Variants in NAV3 observed in about 807,000 individuals in gnomAD.
NAV3 encodes the protein neuron navigator 3, also known as pore membrane and/or filament interacting like protein 1.
In NAV3, 87 loss-of-function variants were observed where a neutral mutation model predicts 244.7. That is an observed-to-expected ratio of 0.36 (90% CI 0.30 to 0.42). NAV3 has a LOEUF of 0.42. Among genes scored for constraint, NAV3 ranks in the 20% least tolerant of loss-of-function variants. The pLI is 1.00. For synonymous variants in NAV3, 1,126 were observed against 1,042.2 expected (o/e 1.08, Z -1.55); for missense variants, 2,663 against 2,893.3 (o/e 0.92, Z 1.83).
rs1373040656 is a variant in NAV3 at position 78,004,292 on chromosome 12, ATAT to A, written c.881-2122_881-2120del. On this transcript the variant is annotated intron_variant, in intron 7 of 39. Coordinates refer to ENST00000397909, the MANE Select transcript of NAV3 (RefSeq NM_001024383.2). ...GAATAAAGTAAGCAGTAGATGAATAATATTATTTGGTTATGGTGGAGTTGGCAA... is the reference window on the plus strand; with the variant it reads ...GAATAAAGTAAGCAGTAGATGAATAATATTTGGTTATGGTGGAGTTGGCAA... 2.6e-5 allele frequency among the ~76,000 whole-genome samples: 4 copies of A among 152,304 alleles called. No homozygotes were observed. In the East Asian group the frequency reaches 5.8e-4, roughly 22 times the overall value.
At chr12:77,578,773 CAAAG>C (rs1371100973) in intron 2 of NAV3, among the ~76,000 whole-genome samples, 3 of 152,072 alleles carry the variant, frequency 2.0e-5, no homozygotes, top group Non-Finnish European at 2.9e-5. Flanking sequence ...GTGACCCACA[CAAAG>C]AACAGCTGCT....
chr12:77,879,155 C>T (rs186150371), intron 1 of NAV3, among the ~76,000 whole-genome samples: 16 of 152,174 alleles, frequency 1.1e-4, no homozygotes, highest in East Asian at 9.7e-4. Context: ...GGGAGAGTTG[C>T]GAACCCGCTT....
chr12:78,016,172 A>T (rs543784961), intron 8 of NAV3, among the ~76,000 whole-genome samples: 9 of 151,894 alleles, frequency 5.9e-5, no homozygotes, highest in African/African-American at 2.2e-4. Context: ...CTTTTTGTAT[A>T]GGGTGATTTT....
chr12:77,647,046 G>A (rs1388633616), intron 2 of NAV3, among the ~76,000 whole-genome samples: 1 of 143,324 alleles, frequency 7.0e-6, no homozygotes, highest in Non-Finnish European at 1.5e-5. Context: ...TATACATGGT[G>A]TATGTGTGAA....
intron 2 of NAV3, among the ~76,000 whole-genome samples, chr12:77,705,661 G>A (rs1234312320): frequency 6.6e-6 from 1 of 151,196 alleles, no homozygotes; most frequent in Non-Finnish European, 1.5e-5. Flanking sequence ...AGTTGATTTC[G>A]CCTGGATTGT....
intron 30 of NAV3, among the ~76,000 whole-genome samples, chr12:78,183,604 C>A (rs1490027890): frequency 6.6e-6 from 1 of 151,774 alleles, no homozygotes; most frequent in Admixed American, 6.6e-5. Context: ...TTTAAATAGC[C>A]ACATAATAAA....
intron 2 of NAV3, among the ~76,000 whole-genome samples, chr12:77,706,705 A>C (rs2254850): frequency 0.92 from 137,718 of 149,520 alleles, 63,985 homozygotes; most frequent in East Asian, 1. Context: ...CCCGTCTCTA[A>C]TAAAAATACA....
intron 23 of NAV3, among the ~76,000 whole-genome samples, chr12:78,167,684 T>C (rs996545242): frequency 6.6e-6 from 1 of 151,632 alleles, no homozygotes; most frequent in Non-Finnish European, 1.5e-5. Flanking sequence ...GAGGCCCGAT[T>C]CTTTGGCTTT....
chr12:77,976,954 C>T (rs947307092), intron 5 of NAV3, among the ~76,000 whole-genome samples: 4 of 152,050 alleles, frequency 2.6e-5, no homozygotes, highest in South Asian at 2.1e-4. Flanking sequence ...GGATTACAGG[C>T]GTGAGCCACC....
rs916198374 is a variant in NAV3, at chr12:78,200,694, A to G, written c.6834+103A>G. The G allele has an allele frequency of 1.0e-5, 6 of 576,726 alleles. No homozygotes were observed. The African/African-American group carries it at 1.1e-4, about 11-fold the overall frequency. The allele number at this position is 576,726 out of a possible 1,614,324, so 35.7% of individuals were successfully genotyped here. On this transcript the variant is annotated intron_variant, in intron 38 of 39. Transcript: ENST00000397909. The stretch of plus-strand genomic sequence containing the variant: ...TATCTGGGTATTTATGCAGAAAACT[A>G]AAGGCATGAACTATATGAATAGAGC...
At position 78,212,021 on chromosome 12, in the gene NAV3, C is replaced by G. The variant is rs1350539658; in HGVS notation, c.*1504C>G. 2.6e-5 allele frequency: 4 copies of G among 152,574 alleles called. No individual in the cohort carries two copies. The highest frequency in any genetic ancestry group is 7.2e-5 in the African/African-American group (3 of 41,428). 9.5% of individuals were successfully genotyped at this position (152,574 alleles called of 1,614,324 possible). A position where few individuals can be genotyped will look rare whatever the true frequency, so the allele number is the denominator to read the frequency against. On this transcript the variant is annotated 3_prime_UTR_variant, in exon 40 of 40. Transcript: ENST00000397909. ...ATTTCCTGTACATTGCAAACAAATA[C>G]AGAATGCAAACCCTCAAAGCTGTAT...
At chr12:77,721,388 C>T (rs890615207) in intron 2 of NAV3, among the ~76,000 whole-genome samples, 1 of 151,934 alleles carries the variant, frequency 6.6e-6, no homozygotes, top group African/African-American at 2.4e-5. Context: ...AAAAAAAAAG[C>T]GTATTGAAAA....
chr12:78,153,021 A>C (rs1429355443), intron 22 of NAV3, among the ~76,000 whole-genome samples: 1 of 152,048 alleles, frequency 6.6e-6, no homozygotes, highest in African/African-American at 2.4e-5. Context: ...ATCTTTACTC[A>C]GTATGTGACA....
At chr12:77,675,034 A>G (rs1874145835) in intron 2 of NAV3, among the ~76,000 whole-genome samples, 1 of 152,214 alleles carries the variant, frequency 6.6e-6, no homozygotes. Context: ...AACTGAAAGG[A>G]TAGAGCATAC....
chr12:78,198,066 G>A (rs189863309), intron 35 of NAV3, among the ~76,000 whole-genome samples: 1 of 151,858 alleles, frequency 6.6e-6, no homozygotes, highest in African/African-American at 2.4e-5. Context: ...ATTCATTGTG[G>A]CATGGCCTCT....
intron 9 of NAV3, among the ~76,000 whole-genome samples, chr12:78,033,552 A>AG (rs938103288): frequency 3.3e-5 from 5 of 152,142 alleles, no homozygotes; most frequent in African/African-American, 1.2e-4. Flanking sequence ...GTACCCCCAA[A>AG]GCAAGCAGGA....
intron 1 of NAV3, among the ~76,000 whole-genome samples, chr12:77,894,025 C>T (rs954535972): frequency 6.6e-6 from 1 of 152,138 alleles, no homozygotes; most frequent in African/African-American, 2.4e-5. Context: ...TAATTTACTC[C>T]TTGACCCTTA....
At chr12:77,701,379 G>A (rs1389717959) in intron 2 of NAV3, among the ~76,000 whole-genome samples, 1 of 151,798 alleles carries the variant, frequency 6.6e-6, no homozygotes, top group African/African-American at 2.4e-5. Context: ...AACATATTTG[G>A]CAGTGTTTCT....
In NAV3 at chr12:77,701,051, A is replaced by T. The variant is rs550021999; in HGVS notation, c.72+128785A>T. Among the ~76,000 whole-genome samples the T allele has an allele frequency of 2.6e-3, 392 of 152,046 alleles. 1 individual carries two copies. The highest frequency in any genetic ancestry group is 4.2e-3 in the Non-Finnish European group (284 of 67,872). On this transcript the variant is annotated intron_variant, in intron 2 of 8. Transcript: ENST00000550042. ...TTATTTTTTGCATGTGAGGTTTGGT[A>T]TCAGGATTATATTGGCCTGTTAAAT...
Sources: allele counts gnomAD v4.1 joint callset (sites outside exome capture counted in the v4.1 genomes callset), GRCh38; gene constraint gnomAD v4.1.1; transcripts MANE v1.5; gene names NCBI Gene and HGNC (gene_info 2026-07-23, HGNC 2026-07-21).